QSOX1: variants seen among roughly 807,000 people sequenced by gnomAD.
QSOX1 encodes quiescin sulfhydryl oxidase 1.
QSOX1 carries 40 observed loss-of-function variants against 76.1 expected under a neutral mutation model. The observed-to-expected ratio is 0.53, with a 90% CI of 0.41 to 0.68. The LOEUF (loss-of-function observed/expected upper bound fraction) is 0.68, where lower values mean the gene tolerates loss of function less well. QSOX1 is among the 30% of genes least tolerant of loss of function. The pLI, the probability that QSOX1 is intolerant of heterozygous loss-of-function variation, is 0.00. For synonymous variants in QSOX1, 392 were observed against 413.1 expected, an observed-to-expected ratio of 0.95 and a Z score of 0.62; for missense variants, 931 against 974.3, an observed-to-expected ratio of 0.96 and a Z score of 0.59.
Position 180,194,222 on chromosome 1 carries a change from A to G in QSOX1, c.1298A>G (p.Lys433Arg), listed in dbSNP as rs748251119. The G allele has an allele frequency of 7.4e-6, 12 of 1,612,110 alleles. No individual in the cohort carries two copies. The highest frequency in any genetic ancestry group is 1.0e-5 in the Non-Finnish European group (12 of 1,179,242). ...CTCCTCTGCCCTGTAGCCAAGGCCA[A>G]GGAGGTCCTCCCAGCCATCCGAGGC... ...VDHSQEAAKA[K>R]EVLPAIRGYV... The change falls in exon 11 of 12, where the codon AAG becomes AGG. Residue 433 changes from lysine to arginine, a missense_variant. Lys to Arg is a conservative substitution (Grantham distance 26). Coordinates refer to ENST00000367602, the MANE Select transcript of QSOX1 (RefSeq NM_002826.5).
In QSOX1 at chr1:180,198,122, G is replaced by A. The variant is rs1372140184; in HGVS notation, c.*1085G>A. ...AGAGACCAGCCTCACCTGGAATGCA[G>A]CCAGACTCGATGTCCCTCAGCACAC... On this transcript the variant is annotated 3_prime_UTR_variant, in exon 12 of 12. Coordinates refer to ENST00000367602, the MANE Select transcript of QSOX1 (RefSeq NM_002826.5). 2 of 453,012 alleles carry A rather than the reference G, an allele frequency of 4.4e-6. No individual in the cohort carries two copies. Among genetic ancestry groups the A allele is most frequent in the Admixed American group, 2.4e-5 (1 of 42,444 alleles). The allele number at this position is 453,012 out of a possible 1,614,324, so 28.1% of individuals were successfully genotyped here. A position where few individuals can be genotyped will look rare whatever the true frequency, so the allele number is the denominator to read the frequency against.
At position 180,193,345 on chromosome 1, in the gene QSOX1, T is replaced by C. The variant is rs563847900; in HGVS notation, c.1289-868T>C. On this transcript the variant is annotated intron_variant, in intron 10 of 11. Transcript: ENST00000367602. ...GCCTTGTGGTGGGGAGGTGGGCACC[T>C]GTGCTGGGTGCAGAAGAACAAGCTG... Among the ~76,000 whole-genome samples the C allele has an allele frequency of 1.2e-3, 181 of 151,642 alleles. 2 individuals carry two copies. The highest frequency in any genetic ancestry group is 4.0e-3 in the African/African-American group (165 of 41,344).
intron 10 of QSOX1, 34 bp from the exon 11 acceptor site, chr1:180,194,163 GGGGCTGGCAGCCTGAA>G: frequency 6.5e-7 from 1 of 1,545,578 alleles, no homozygotes; most frequent in Non-Finnish European, 8.8e-7. Context: ...CAACGGCTGT[GGGGCTGGCAGCCTGAA>G]GGGCTGGTGC....
Position 180,202,587 on chromosome 1 carries a change from A to C in QSOX1, c.*5550A>C, listed in dbSNP as rs1663656922. On this transcript the variant is annotated 3_prime_UTR_variant, in exon 12 of 12. Transcript: ENST00000367602. ...GAATTGCTTAGCAAATGATGTTGAGAATAGTGATTATTTGGGGGAAAATTC... is the reference window on the plus strand; with the variant it reads ...GAATTGCTTAGCAAATGATGTTGAGCATAGTGATTATTTGGGGGAAAATTC... 6.6e-6 allele frequency: 1 copy of C among 151,208 alleles called. No homozygotes were observed. The highest frequency in any genetic ancestry group is 1.5e-5 in the Non-Finnish European group (1 of 67,818). The allele number at this position is 151,208 out of a possible 1,614,324, so 9.4% of individuals were successfully genotyped here. A position where few individuals can be genotyped will look rare whatever the true frequency, so the allele number is the denominator to read the frequency against.
In QSOX1 at chr1:180,196,757, C is replaced by T. The variant is rs1230322109; in HGVS notation, c.1964C>T (p.Ser655Phe). The T allele has an allele frequency of 6.2e-7, 1 of 1,614,110 alleles. No homozygotes were observed. Among genetic ancestry groups the T allele is most frequent in the Admixed American group, 1.7e-5 (1 of 60,030 alleles). Reference protein sequence around the residue: ...RDTGAALLAESRAEKNRLWGP... With the variant: ...RDTGAALLAEFRAEKNRLWGP... ...ACAGGGGCTGCATTGCTGGCTGAGTCCAGGGCTGAGAAGAACCGCCTCTGG... is the reference window on the plus strand; with the variant it reads ...ACAGGGGCTGCATTGCTGGCTGAGTTCAGGGCTGAGAAGAACCGCCTCTGG... Residue 655 changes from serine to phenylalanine, a missense_variant, in exon 12 of 12, where the codon TCC (serine) becomes TTC (phenylalanine). By Grantham distance (155) the Ser-to-Phe change is radical. Transcript: ENST00000367602. This position sits in a 1 kb window ranked among gnomAD's most constrained non-coding sequence, Gnocchi z 4.1.
chr1:180,187,208 G>A (rs1488182142), intron 8 of QSOX1, among the ~76,000 whole-genome samples: 1 of 152,244 alleles, frequency 6.6e-6, no homozygotes, highest in African/African-American at 2.4e-5. Flanking sequence ...TGGTGACACT[G>A]AGAGGGCCTG....
intron 7 of QSOX1, among the ~76,000 whole-genome samples, chr1:180,184,428 C>T (rs6664185): frequency 0.12 from 18,624 of 152,196 alleles, 1,745 homozygotes; most frequent in African/African-American, 0.26. Flanking sequence ...TTTGAGTACT[C>T]ACTATGTGCT....
In QSOX1 at chr1:180,197,775, T is replaced by C. The variant is rs912156504; in HGVS notation, c.*738T>C. On this transcript the variant is annotated 3_prime_UTR_variant, in exon 12 of 12. Coordinates refer to ENST00000367602, the MANE Select transcript of QSOX1 (RefSeq NM_002826.5). ...CTTAGCTGCAGGAGAAGATGGCTGC[T>C]TTCACTTCCCCCCATTGAGCTCTGC... 3 of 260,968 alleles carry C rather than the reference T, an allele frequency of 1.1e-5. No individual in the cohort carries two copies. Among genetic ancestry groups the C allele is most frequent in the African/African-American group, 6.7e-5 (3 of 44,946 alleles). 16.2% of individuals were successfully genotyped at this position (260,968 alleles called of 1,614,324 possible).
At chr1:180,156,871 G>T (rs535844455) in intron 1 of QSOX1, among the ~76,000 whole-genome samples, 1 of 152,282 alleles carries the variant, frequency 6.6e-6, no homozygotes, top group East Asian at 1.9e-4. Context: ...TTCCCAGATC[G>T]CTTTCCACTT....
chr1:180,172,185 A>G (rs1662775868), intron 2 of QSOX1, among the ~76,000 whole-genome samples: 1 of 152,106 alleles, frequency 6.6e-6, no homozygotes, highest in Non-Finnish European at 1.5e-5. Context: ...TCCTTTTTTA[A>G]GGGTTAGACT....
chr1:180,180,508 C>T (rs935835008), intron 5 of QSOX1, among the ~76,000 whole-genome samples: 1 of 151,744 alleles, frequency 6.6e-6, no homozygotes. Context: ...CTGCGCCCAA[C>T]CAGGAACTTT....
chr1:180,175,180 AAAAAG>A, intron 2 of QSOX1, 136 bp from the exon 3 acceptor site: 1 of 789,676 alleles, frequency 1.3e-6, no homozygotes, highest in Non-Finnish European at 2.1e-6. Context: ...GAAAGAAAGA[AAAAAG>A]AAACAGGCTC....
intron 2 of QSOX1, among the ~76,000 whole-genome samples, chr1:180,167,386 C>T (rs932562835): frequency 2.0e-5 from 3 of 152,222 alleles, no homozygotes; most frequent in Non-Finnish European, 4.4e-5. Flanking sequence ...CTTCTGTAGC[C>T]ATTAAGGATT....
chr1:180,191,097 T>C, intron 10 of QSOX1, among the ~76,000 whole-genome samples: 1 of 152,196 alleles, frequency 6.6e-6, no homozygotes, highest in Non-Finnish European at 1.5e-5. Context: ...CACCATGTTC[T>C]CCGGCCACGC....
rs757761832 is a variant in QSOX1, at chr1:180,203,275, T to C, written c.*6238T>C. On this transcript the variant is annotated 3_prime_UTR_variant, in exon 12 of 12. Transcript: ENST00000367602. ...AAACATAAGTTACTATTGTTATATA[T>C]ATGCTAACGTTTGTCTAGAAAAAGT... The C allele has an allele frequency of 1.3e-5, 2 of 152,186 alleles. No individual in the cohort carries two copies. The highest frequency in any genetic ancestry group is 2.4e-5 in the African/African-American group (1 of 41,428). The allele number at this position is 152,186 out of a possible 1,614,324, so 9.4% of individuals were successfully genotyped here.
At chr1:180,185,499 G>C (rs1289672396) in intron 7 of QSOX1, among the ~76,000 whole-genome samples, 3 of 152,204 alleles carry the variant, frequency 2.0e-5, no homozygotes, top group African/African-American at 7.2e-5. Context: ...TAAGATGTGA[G>C]GTCCGGCAGC....
chr1:180,169,678 T>C (rs1662718539), intron 2 of QSOX1, among the ~76,000 whole-genome samples: 1 of 152,250 alleles, frequency 6.6e-6, no homozygotes, highest in African/African-American at 2.4e-5. Flanking sequence ...GGGCTGCTGG[T>C]AGCTGGTGTG....
chr1:180,173,642 T>A (rs1019072833), intron 2 of QSOX1, among the ~76,000 whole-genome samples: 1 of 152,116 alleles, frequency 6.6e-6, no homozygotes, highest in Non-Finnish European at 1.5e-5. Flanking sequence ...TTGTTCCTCA[T>A]GTGGGAGAGG....
At chr1:180,168,906 T>TGTCC in intron 2 of QSOX1, among the ~76,000 whole-genome samples, 1 of 152,332 alleles carries the variant, frequency 6.6e-6, no homozygotes. Context: ...CCTTGCACTC[T>TGTCC]GTCCATGAAG....
Sources: allele counts gnomAD v4.1 joint callset (sites outside exome capture counted in the v4.1 genomes callset), GRCh38; gene constraint gnomAD v4.1.1; non-coding constraint Gnocchi (gnomAD v3.1); transcripts MANE v1.5; gene names NCBI Gene and HGNC (gene_info 2026-07-23, HGNC 2026-07-21).